The following PCDH9 variants were observed in gnomAD, a reference collection of about 807,000 sequenced individuals.
PCDH9 encodes protocadherin-9.
In PCDH9, 24 loss-of-function variants were observed where a neutral mutation model predicts 70.6. The ratio of observed to expected loss-of-function variants is 0.34; its 90% CI spans 0.25 to 0.48. PCDH9 has a LOEUF of 0.48. PCDH9 is among the 20% of genes least tolerant of loss of function. PCDH9 has a pLI of 0.99. For missense variants in PCDH9, 1,281 were observed against 1,503.6 expected, an observed-to-expected ratio of 0.85 and a Z score of 2.45; for synonymous variants, 562 against 558.5, an observed-to-expected ratio of 1.01 and a Z score of -0.09.
chr13:67,016,326 A>G (rs1019102511), intron 2 of PCDH9, among the ~76,000 whole-genome samples: 4 of 152,202 alleles, frequency 2.6e-5, no homozygotes, highest in Non-Finnish European at 4.4e-5. Context: ...ATTTCCGTTC[A>G]TTAACATATT....
chr13:66,617,478 C>G (rs2077370332), intron 4 of PCDH9, among the ~76,000 whole-genome samples: 2 of 152,166 alleles, frequency 1.3e-5, no homozygotes. Flanking sequence ...AATTGTGTCT[C>G]TGTACTACAG....
intron 2 of PCDH9, among the ~76,000 whole-genome samples, chr13:67,021,622 C>T (rs534490540): frequency 3.7e-4 from 56 of 151,508 alleles, no homozygotes; most frequent in African/African-American, 4.4e-4. Context: ...TGCAGTGGTG[C>T]GATCTCTGCT....
At chr13:66,979,937 C>T (rs1322827787) in intron 2 of PCDH9, among the ~76,000 whole-genome samples, 2 of 151,672 alleles carry the variant, frequency 1.3e-5, no homozygotes, top group African/African-American at 2.4e-5. Flanking sequence ...TCTTTCCTAT[C>T]TAATTCTTTA....
chr13:67,157,183 G>T (rs1463769742), intron 2 of PCDH9, among the ~76,000 whole-genome samples: 2 of 152,080 alleles, frequency 1.3e-5, no homozygotes, highest in African/African-American at 4.8e-5. Flanking sequence ...TCCTTCCTGA[G>T]TATGAATATA....
chr13:67,062,695 A>G lies in PCDH9; in HGVS notation c.3037-159090T>C, dbSNP rs1352455848. ...GTATACAGATATATTTCATACAGCA[A>G]TCTACGGAATTATAAAAGTATTCTG... On this transcript the variant is annotated intron_variant, in intron 2 of 4. Coordinates refer to ENST00000377865, the MANE Select transcript of PCDH9 (RefSeq NM_203487.3). Among the ~76,000 whole-genome samples, 4 of 152,178 alleles carry G rather than the reference A, an allele frequency of 2.6e-5. No individual in the cohort carries two copies. In the East Asian group the frequency reaches 7.7e-4, roughly 29 times the overall value.
In PCDH9 at chr13:66,669,213, G is replaced by A. The variant is rs1451031700; in HGVS notation, c.3139-37802C>T. 5.9e-5 allele frequency among the ~76,000 whole-genome samples: 9 copies of A among 152,218 alleles called. No homozygotes were observed. The East Asian group carries it at 7.7e-4, about 13-fold the overall frequency. On this transcript the variant is annotated intron_variant, in intron 3 of 4. Transcript: ENST00000377865. ...GGTCTGAGACACAAAGAATAAAAAC[G>A]TAAAGCTAACGCTACCTATCTCCTA...
chr13:66,636,364 CTT>C (rs1432626035), intron 3 of PCDH9, among the ~76,000 whole-genome samples: 9 of 152,068 alleles, frequency 5.9e-5, no homozygotes, highest in Non-Finnish European at 1.2e-4. Flanking sequence ...CTTCTGATCT[CTT>C]TTCTGTTATT....
intron 4 of PCDH9, among the ~76,000 whole-genome samples, chr13:66,433,629 C>T (rs1957814360): frequency 6.6e-6 from 1 of 151,420 alleles, no homozygotes; most frequent in Non-Finnish European, 1.5e-5. Context: ...AAGAGTTGAG[C>T]TGCAATGTAT....
At chr13:66,349,422 G>A (rs1351914614) in intron 4 of PCDH9, among the ~76,000 whole-genome samples, 1 of 152,194 alleles carries the variant, frequency 6.6e-6, no homozygotes, top group African/African-American at 2.4e-5. Context: ...CAAATACATA[G>A]AAGACAAGAG....
intron 4 of PCDH9, among the ~76,000 whole-genome samples, chr13:66,618,634 T>C (rs996842201): frequency 6.6e-6 from 1 of 152,196 alleles, no homozygotes; most frequent in Non-Finnish European, 1.5e-5. Flanking sequence ...AATTTTATAC[T>C]TCTAAGAGTT....
At chr13:66,757,515 G>A (rs1366205923) in intron 3 of PCDH9, among the ~76,000 whole-genome samples, 1 of 151,976 alleles carries the variant, frequency 6.6e-6, no homozygotes, top group Non-Finnish European at 1.5e-5. Flanking sequence ...CAAATTCTAT[G>A]TGTCCTCATT....
intron 4 of PCDH9, among the ~76,000 whole-genome samples, chr13:66,444,780 TGAACCC>T (rs1453389977): frequency 6.6e-6 from 1 of 151,954 alleles, no homozygotes; most frequent in Non-Finnish European, 1.5e-5. Context: ...AGGCTGTTCC[TGAACCC>T]CTGACCTCAG....
At chr13:66,709,829 T>A (rs1383456120) in intron 3 of PCDH9, among the ~76,000 whole-genome samples, 1 of 152,154 alleles carries the variant, frequency 6.6e-6, no homozygotes, top group Non-Finnish European at 1.5e-5. Flanking sequence ...ACAGAGTATA[T>A]ACTTAACAGA....
In PCDH9 at chr13:66,828,951, T is replaced by C. The variant is rs897532715; in HGVS notation, c.3138+74553A>G. Among the ~76,000 whole-genome samples the C allele has an allele frequency of 3.3e-5, 5 of 152,130 alleles. No individual in the cohort carries two copies. In the South Asian group the frequency reaches 1.0e-3, roughly 31 times the overall value. On this transcript the variant is annotated intron_variant, in intron 3 of 4. Transcript: ENST00000377865. ...ATGTTTATCTCTATTAGGTGTTATA[T>C]ACAACCATATAAAGGAATTGATAAT...
At chr13:66,739,638 TGGAG>T (rs945661555) in intron 3 of PCDH9, among the ~76,000 whole-genome samples, 14 of 151,474 alleles carry the variant, frequency 9.2e-5, no homozygotes, top group African/African-American at 3.4e-4. Context: ...AATAAAAGGA[TGGAG>T]GAAGATCTAC....
intron 3 of PCDH9, among the ~76,000 whole-genome samples, chr13:66,851,133 G>T (rs1343868939): frequency 6.6e-6 from 1 of 152,154 alleles, no homozygotes; most frequent in Non-Finnish European, 1.5e-5. Flanking sequence ...AGACAGGAAA[G>T]CATGTGAGAA....
intron 2 of PCDH9, among the ~76,000 whole-genome samples, chr13:67,007,615 A>G (rs2084377526): frequency 6.6e-6 from 1 of 152,166 alleles, no homozygotes; most frequent in Admixed American, 6.5e-5. Flanking sequence ...TTCAGCAAAA[A>G]GTTGTGAACC....
intron 2 of PCDH9, among the ~76,000 whole-genome samples, chr13:66,923,185 T>C (rs558498317): frequency 6.6e-6 from 1 of 151,510 alleles, no homozygotes; most frequent in Non-Finnish European, 1.5e-5. Flanking sequence ...TAATTAATAA[T>C]TTAATAATTT....
At chr13:66,928,927 CATAG>C (rs1311272294) in intron 2 of PCDH9, among the ~76,000 whole-genome samples, 19 of 152,200 alleles carry the variant, frequency 1.2e-4, no homozygotes, top group African/African-American at 4.3e-4. Flanking sequence ...ACTATACTTT[CATAG>C]TCATGACTGG....
Sources: gnomAD v4.1 joint callset for allele counts (sites outside exome capture counted in the v4.1 genomes callset) on GRCh38, gnomAD v4.1.1 for gene constraint, MANE v1.5 for transcripts, NCBI Gene and HGNC (gene_info 2026-07-23, HGNC 2026-07-21) for gene names.